WWTR1: variants seen among roughly 807,000 people sequenced by gnomAD.
WWTR1 encodes the protein WW domain-containing transcription regulator protein 1.
In WWTR1, 13 loss-of-function variants were observed where a neutral mutation model predicts 40.1. That is an observed-to-expected ratio of 0.32 (90% CI 0.21 to 0.52). The LOEUF is 0.52. Among genes scored for constraint, WWTR1 ranks in the 20% least tolerant of loss-of-function variants. The pLI is 0.97. For synonymous variants in WWTR1, 230 were observed against 210.1 expected, an observed-to-expected ratio of 1.09 and a Z score of -0.82; for missense variants, 436 against 523.1, an observed-to-expected ratio of 0.83 and a Z score of 1.63.
intron 4 of WWTR1, chr3:149,540,133 G>GCTGAACT: frequency 2.5e-6 from 1 of 405,936 alleles, no homozygotes; most frequent in Non-Finnish European, 5.0e-6. Flanking sequence ...CAGAGTCAAG[G>GCTGAACT]CTGAACTACA....
chr3:149,596,870 C>T, intron 2 of WWTR1, among the ~76,000 whole-genome samples: 1 of 152,220 alleles, frequency 6.6e-6, no homozygotes, highest in South Asian at 2.1e-4. Flanking sequence ...AGCTCCTACA[C>T]TTTCTACTTA....
chr3:149,642,579 T>C (rs1189660651), intron 2 of WWTR1, among the ~76,000 whole-genome samples: 4 of 150,676 alleles, frequency 2.7e-5, no homozygotes, highest in East Asian at 2.0e-4. Context: ...ATCGAGACCA[T>C]CCTGGCTAAC....
intron 2 of WWTR1, among the ~76,000 whole-genome samples, chr3:149,587,460 G>A (rs1738482742): frequency 6.6e-6 from 1 of 152,198 alleles, no homozygotes. Flanking sequence ...AGCGCCGGCA[G>A]ATGATTCCTT....
At chr3:149,571,676 G>A (rs1357247811) in intron 3 of WWTR1, among the ~76,000 whole-genome samples, 1 of 152,208 alleles carries the variant, frequency 6.6e-6, no homozygotes, top group Admixed American at 6.5e-5. Context: ...GCCACAGTAT[G>A]AGGGAAGGGT....
At chr3:149,591,116 G>A (rs1662509248) in intron 2 of WWTR1, among the ~76,000 whole-genome samples, 1 of 151,952 alleles carries the variant, frequency 6.6e-6, no homozygotes, top group Non-Finnish European at 1.5e-5. Flanking sequence ...AGGGAGAAAG[G>A]AAAGAAAGAA....
chr3:149,571,178 G>GAGATTGGAGGA (rs1226043561), intron 3 of WWTR1, among the ~76,000 whole-genome samples: 7 of 150,660 alleles, frequency 4.6e-5, no homozygotes, highest in Non-Finnish European at 8.8e-5. Flanking sequence ...TGAGGAAAGG[G>GAGATTGGAGGA]AGATTGGAGG....
chr3:149,634,218 C>T (rs1005606601), intron 2 of WWTR1, among the ~76,000 whole-genome samples: 4 of 152,164 alleles, frequency 2.6e-5, no homozygotes, highest in African/African-American at 9.7e-5. Context: ...TACTAGTGTG[C>T]GGCTTTGGTC....
At chr3:149,650,512 A>G (rs970311425) in intron 2 of WWTR1, among the ~76,000 whole-genome samples, 1 of 152,218 alleles carries the variant, frequency 6.6e-6, no homozygotes, top group African/African-American at 2.4e-5. Flanking sequence ...TAGGGTTATG[A>G]AAAAGTTCCA....
intron 5 of WWTR1, among the ~76,000 whole-genome samples, chr3:149,527,366 C>T (rs1032769860): frequency 2.0e-5 from 3 of 151,996 alleles, no homozygotes; most frequent in Admixed American, 6.6e-5. Context: ...AGGCTGGTCT[C>T]GAACTCCCAA....
chr3:149,543,833 C>A (rs770654256), intron 3 of WWTR1, among the ~76,000 whole-genome samples: 1 of 150,660 alleles, frequency 6.6e-6, no homozygotes, highest in Non-Finnish European at 1.5e-5. Flanking sequence ...ATACTCACTT[C>A]ATTTCTGAGA....
At chr3:149,636,966 GAAAAAAAAAAAAA>G (rs397950107) in intron 2 of WWTR1, among the ~76,000 whole-genome samples, 4 of 43,308 alleles carry the variant, frequency 9.2e-5, no homozygotes, top group Non-Finnish European at 1.2e-4. Context: ...TGTCTCAAGT[GAAAAAAAAAAAAA>G]AAAAAAAAAA....
At chr3:149,608,327 A>T (rs1423917000) in intron 2 of WWTR1, among the ~76,000 whole-genome samples, 1 of 151,968 alleles carries the variant, frequency 6.6e-6, no homozygotes, top group Non-Finnish European at 1.5e-5. Flanking sequence ...GCACACACAC[A>T]CAACCACCAT....
chr3:149,656,834 G>A (rs1471917160), intron 2 of WWTR1, 42 bp downstream of exon 2: 3 of 1,481,460 alleles, frequency 2.0e-6, no homozygotes, highest in African/African-American at 2.9e-5. Flanking sequence ...CGCGCGTTGG[G>A]CACTGTGACT....
chr3:149,675,514 C>T (rs1714232085), intron 1 of WWTR1, among the ~76,000 whole-genome samples: 1 of 152,050 alleles, frequency 6.6e-6, no homozygotes, highest in Admixed American at 6.6e-5. Context: ...ACCCAGCCTC[C>T]TGATTTTTGA....
intron 3 of WWTR1, among the ~76,000 whole-genome samples, chr3:149,543,580 C>CAAAAA (rs755442408): frequency 0.38 from 11,908 of 31,080 alleles, 3,525 homozygotes; most frequent in South Asian, 0.61. Flanking sequence ...GACTCTGTCT[C>CAAAAA]AAAAAAAAAA....
intron 4 of WWTR1, among the ~76,000 whole-genome samples, chr3:149,720,609 G>A (rs1000288772): frequency 5.3e-5 from 8 of 151,456 alleles, no homozygotes; most frequent in African/African-American, 1.5e-4. Context: ...AGAGTTCCTT[G>A]AAATTTCATA....
In WWTR1 at chr3:149,602,683, G is replaced by T. The variant is rs146380960; in HGVS notation, c.432-29683C>A. ...AAGGCTTCCCCCCCAACTTTTTTTT[G>T]AGACGGAGTCTCACTCTGTTGCCCA... On this transcript the variant is annotated intron_variant, in intron 2 of 6. Coordinates refer to ENST00000360632, the MANE Select transcript of WWTR1 (RefSeq NM_015472.6). Among the ~76,000 whole-genome samples, 223 of 151,910 alleles carry T rather than the reference G, an allele frequency of 1.5e-3. 1 individual carries two copies. Among genetic ancestry groups the T allele is most frequent in the African/African-American group, 5.3e-3 (218 of 41,436 alleles).
At chr3:149,707,016 G>A (rs934130623), upstream of WWTR1, among the ~76,000 whole-genome samples, 1 of 152,124 alleles carries the variant, frequency 6.6e-6, no homozygotes, top group Non-Finnish European at 1.5e-5. Flanking sequence ...ATATTAATGT[G>A]TTTCCATTGT....
chr3:149,523,405 C>T (rs1271012067), intron 6 of WWTR1, among the ~76,000 whole-genome samples: 7 of 152,100 alleles, frequency 4.6e-5, no homozygotes, highest in Non-Finnish European at 8.8e-5. Flanking sequence ...TGTGCCACCA[C>T]GCCCAGCTAA....
Sources: allele counts gnomAD v4.1 joint callset (sites outside exome capture counted in the v4.1 genomes callset), GRCh38; gene constraint gnomAD v4.1.1; transcripts MANE v1.5; gene names NCBI Gene and HGNC (gene_info 2026-07-23, HGNC 2026-07-21).